CEP112: variants seen among roughly 807,000 people sequenced by gnomAD.
CEP112 encodes the protein centrosomal protein of 112 kDa.
Under a neutral mutation model 153.0 loss-of-function variants are expected in CEP112, and 127 were observed. The ratio of observed to expected loss-of-function variants is 0.83; its 90% confidence interval spans 0.72 to 0.96. CEP112 has a LOEUF of 0.96. Ranked by LOEUF, CEP112 falls within the 40% of genes least tolerant of loss-of-function variation. The probability of loss-of-function intolerance (pLI) is 0.00; values close to 1 mark genes in which losing one functional copy is unlikely to be tolerated. For synonymous variants in CEP112, 358 were observed against 374.4 expected (o/e 0.96, Z 0.51); for missense variants, 1,089 against 1,101.2 (o/e 0.99, Z 0.16).
intron 21 of CEP112, among the ~76,000 whole-genome samples, chr17:65,768,430 C>G (rs980375296): frequency 1.3e-5 from 2 of 151,916 alleles, no homozygotes; most frequent in Non-Finnish European, 2.9e-5. Context: ...AAACCTGTGT[C>G]GTTCAAGGGT....
intron 8 of CEP112, among the ~76,000 whole-genome samples, chr17:66,071,767 C>A (rs1292350386): frequency 6.6e-6 from 1 of 152,042 alleles, no homozygotes; most frequent in Non-Finnish European, 1.5e-5. Context: ...AGAAAGCAGG[C>A]CAATCCAGTA....
chr17:65,977,157 C>T (rs529326727), intron 17 of CEP112, among the ~76,000 whole-genome samples: 1 of 152,234 alleles, frequency 6.6e-6, no homozygotes, highest in African/African-American at 2.4e-5. Flanking sequence ...CTGGAATAAA[C>T]GAGACTCTGC....
chr17:65,806,044 C>A (rs751042418), intron 21 of CEP112, among the ~76,000 whole-genome samples: 15 of 152,172 alleles, frequency 9.9e-5, no homozygotes, highest in Non-Finnish European at 2.1e-4. Context: ...GTATCTGTGT[C>A]AATACTACTG....
At chr17:65,868,195 T>G (rs1426890914) in intron 20 of CEP112, among the ~76,000 whole-genome samples, 1 of 152,110 alleles carries the variant, frequency 6.6e-6, no homozygotes, top group Admixed American at 6.6e-5. Flanking sequence ...ATTTTACTTT[T>G]TAATAAAAGA....
At chr17:66,034,370 C>T (rs2065618413) in intron 12 of CEP112, among the ~76,000 whole-genome samples, 1 of 151,734 alleles carries the variant, frequency 6.6e-6, no homozygotes, top group Non-Finnish European at 1.5e-5. Flanking sequence ...AAGATATTCC[C>T]CTCTATATTA....
At position 65,887,862 on chromosome 17, in the gene CEP112, G is replaced by T. The variant is rs1339043838; in HGVS notation, c.2163+14290C>A. Among the ~76,000 whole-genome samples the T allele has an allele frequency of 3.9e-5, 6 of 152,156 alleles. No homozygotes were observed. In the South Asian group the frequency reaches 1.2e-3, roughly 32 times the overall value. Reference sequence around the variant, plus strand: ...CTTGGGGTTTACCTTCCTCATGGAGGGGGTGTTTCCTCTTTCAGGTCTCTA... The same window carrying T: ...CTTGGGGTTTACCTTCCTCATGGAGTGGGTGTTTCCTCTTTCAGGTCTCTA... On this transcript the variant is annotated intron_variant, in intron 20 of 26. Coordinates refer to ENST00000535342, the MANE Select transcript of CEP112 (RefSeq NM_001199165.4).
chr17:65,785,831 C>T (rs2054249072), intron 21 of CEP112, among the ~76,000 whole-genome samples: 1 of 151,636 alleles, frequency 6.6e-6, no homozygotes, highest in Admixed American at 6.6e-5. Context: ...ACTTTGAGGT[C>T]CTTTTATGTG....
chr17:66,052,243 T>C (rs2873909), intron 12 of CEP112, among the ~76,000 whole-genome samples: 62,458 of 152,004 alleles, frequency 0.41, 14,295 homozygotes, highest in East Asian at 0.87. Flanking sequence ...TTGAGGAGCA[T>C]CTGGTATTCT....
chr17:66,078,489 C>T (rs1447662676), intron 8 of CEP112, among the ~76,000 whole-genome samples: 2 of 152,038 alleles, frequency 1.3e-5, no homozygotes, highest in Non-Finnish European at 2.9e-5. Context: ...AACTCCTGAC[C>T]TCATGATCCA....
chr17:66,159,353 G>A (rs2071593059), intron 4 of CEP112, among the ~76,000 whole-genome samples: 1 of 152,154 alleles, frequency 6.6e-6, no homozygotes. Flanking sequence ...CATTTTACGA[G>A]GCCAGAGTTA....
chr17:65,856,217 G>A (rs1171279580), intron 20 of CEP112, among the ~76,000 whole-genome samples: 1 of 152,146 alleles, frequency 6.6e-6, no homozygotes, highest in African/African-American at 2.4e-5. Flanking sequence ...TAAAGCCAAA[G>A]AATAGAATTG....
chr17:65,949,737 T>C (rs1203949900), intron 18 of CEP112, among the ~76,000 whole-genome samples: 1 of 152,074 alleles, frequency 6.6e-6, no homozygotes, highest in Non-Finnish European at 1.5e-5. Flanking sequence ...AGTGGACCAA[T>C]TAAAAGGGTA....
chr17:66,147,520 T>C (rs1447422974), intron 4 of CEP112, among the ~76,000 whole-genome samples: 3 of 152,194 alleles, frequency 2.0e-5, no homozygotes, highest in Non-Finnish European at 4.4e-5. Flanking sequence ...AATTTTGATG[T>C]AGTTCAATGT....
At chr17:65,893,870 C>G (rs551951602) in intron 20 of CEP112, among the ~76,000 whole-genome samples, 1 of 152,036 alleles carries the variant, frequency 6.6e-6, no homozygotes, top group African/African-American at 2.4e-5. Context: ...GAATGGGAGA[C>G]AAAATGACAG....
chr17:66,081,375 A>G (rs1315451530), intron 8 of CEP112, among the ~76,000 whole-genome samples: 1 of 152,140 alleles, frequency 6.6e-6, no homozygotes, highest in Non-Finnish European at 1.5e-5. Context: ...GAATATGATT[A>G]CAAATGGTCA....
intron 21 of CEP112, among the ~76,000 whole-genome samples, chr17:65,850,958 T>C (rs1438118823): frequency 6.6e-6 from 1 of 152,212 alleles, no homozygotes; most frequent in African/African-American, 2.4e-5. Context: ...TAAAGTACAA[T>C]AAAGCAAGTA....
intron 25 of CEP112, among the ~76,000 whole-genome samples, chr17:65,640,318 T>C (rs990776059): frequency 3.3e-5 from 5 of 151,714 alleles, no homozygotes; most frequent in African/African-American, 9.7e-5. Flanking sequence ...CACGCCCCGC[T>C]AATTTTTGTA....
rs895506949 is a variant in CEP112 at position 65,842,644 on chromosome 17, G to T, written c.2394+9160C>A. 1.6e-4 allele frequency among the ~76,000 whole-genome samples: 24 copies of T among 152,218 alleles called. No individual in the cohort carries two copies. The East Asian group carries it at 4.6e-3, about 29-fold the overall frequency. Reference sequence around the variant, plus strand: ...CTGCTTATTTTGTTAATAAACAGATGCTCCAGATATTATTCTAATACTTGT... The same window carrying T: ...CTGCTTATTTTGTTAATAAACAGATTCTCCAGATATTATTCTAATACTTGT... On this transcript the variant is annotated intron_variant, in intron 21 of 26. Transcript: ENST00000535342.
intron 21 of CEP112, among the ~76,000 whole-genome samples, chr17:65,845,893 A>G (rs1026931249): frequency 1.1e-4 from 17 of 152,192 alleles, no homozygotes; most frequent in African/African-American, 4.1e-4. Flanking sequence ...CTTAACTCAA[A>G]ATCATTGAAG....
Sources: allele counts gnomAD v4.1 joint callset (sites outside exome capture counted in the v4.1 genomes callset), GRCh38; gene constraint gnomAD v4.1.1; transcripts MANE v1.5; gene names NCBI Gene and HGNC (gene_info 2026-07-23, HGNC 2026-07-21).